Variants in ADORA1 observed in about 807,000 individuals in gnomAD.
The protein encoded by ADORA1 is adenosine receptor A1.
A neutral mutation model predicts 19.9 loss-of-function variants in ADORA1; 6 were observed. The ratio of observed to expected loss-of-function variants is 0.30; its 90% CI spans 0.17 to 0.59. The LOEUF (loss-of-function observed/expected upper bound fraction) is 0.59, where lower values mean the gene tolerates loss of function less well. Among genes scored for constraint, ADORA1 ranks in the 20% least tolerant of loss-of-function variants. The probability of loss-of-function intolerance (pLI) is 0.87; values close to 1 mark genes in which losing one functional copy is unlikely to be tolerated. For missense variants in ADORA1, 302 were observed against 439.2 expected (o/e 0.69, Z 2.79); for synonymous variants, 194 against 188.4 (o/e 1.03, Z -0.24).
intron 3 of ADORA1, among the ~76,000 whole-genome samples, chr1:203,133,701 A>G (rs1654415596): frequency 6.6e-6 from 1 of 152,200 alleles, no homozygotes; most frequent in Non-Finnish European, 1.5e-5. Flanking sequence ...CCTTCACTCC[A>G]GTGGGCAGTT....
chr1:203,128,676 G>T lies in ADORA1; in HGVS notation c.-57-109G>T. ...TGCCCCTCCAGCCTGGGTAGGAGCT[G>T]CATGTGACAAGTGGGACACATCACA... On this transcript the variant is annotated intron_variant, in intron 2 of 3. Transcript: ENST00000337894. The surrounding 1 kb of genome is among the most constrained non-coding windows in gnomAD (Gnocchi z 5.9). 1 of 1,301,540 alleles carries T rather than the reference G, an allele frequency of 7.7e-7. No individual in the cohort carries two copies. Among genetic ancestry groups the T allele is most frequent in the African/African-American group, 1.5e-5 (1 of 67,194 alleles). The allele number at this position is 1,301,540 out of a possible 1,614,324, so 80.6% of individuals were successfully genotyped here.
chr1:203,144,324 T>C (rs1310597119), intron 3 of ADORA1, among the ~76,000 whole-genome samples: 1 of 152,108 alleles, frequency 6.6e-6, no homozygotes, highest in East Asian at 1.9e-4. Flanking sequence ...ATATCCACAG[T>C]GGTGGATAGT....
chr1:203,143,877 C>T (rs981354319), intron 3 of ADORA1, among the ~76,000 whole-genome samples: 4 of 152,286 alleles, frequency 2.6e-5, no homozygotes, highest in Admixed American at 6.5e-5. Flanking sequence ...CCAACGGCCA[C>T]GGTGGCAGGA....
rs753602875 is a variant in ADORA1 at position 203,165,175 on chromosome 1, G to A, written c.342-86G>A. On this transcript the variant is annotated intron_variant, in intron 3 of 3. Coordinates refer to ENST00000337894, the MANE Select transcript of ADORA1 (RefSeq NM_000674.3). The surrounding 1 kb of genome is among the most constrained non-coding windows in gnomAD (Gnocchi z 5.9). ...GGAAGAGGAGGGTGCTCCTCTTAGA[G>A]GCCCCTGGAGGCCAGGCGTGCCTCA... 6.3e-7 allele frequency: 1 copy of A among 1,595,822 alleles called. No individual in the cohort carries two copies. Among genetic ancestry groups the A allele is most frequent in the East Asian group, 2.3e-5 (1 of 44,054 alleles).
At position 203,129,119 on chromosome 1, in the gene ADORA1, G is replaced by C. The variant is rs771075090; in HGVS notation, c.278G>C (p.Ser93Thr). ...TGTCCGGTCCTCATCCTCACCCAGAGCTCCATCCTGGCCCTGCTGGCAATT... is the reference window on the plus strand; with the variant it reads ...TGTCCGGTCCTCATCCTCACCCAGACCTCCATCCTGGCCCTGCTGGCAATT... ...VACPVLILTQSSILALLAIAV... is the reference protein window; with the variant it reads ...VACPVLILTQTSILALLAIAV... Residue 93 changes from serine (S) to threonine (T), a missense_variant, in exon 3 of 4, where the codon AGC becomes ACC. Transcript: ENST00000337894. 6.2e-7 allele frequency: 1 copy of C among 1,614,134 alleles called. No homozygotes were observed. The highest frequency in any genetic ancestry group is 1.1e-5 in the South Asian group (1 of 91,080).
chr1:203,149,637 G>T (rs951988802), intron 3 of ADORA1, among the ~76,000 whole-genome samples: 11 of 152,152 alleles, frequency 7.2e-5, no homozygotes, highest in Admixed American at 5.9e-4. Flanking sequence ...GGTTGAGGCG[G>T]GACCTTCGAG....
chr1:203,160,717 G>A (rs537579898), intron 3 of ADORA1, among the ~76,000 whole-genome samples: 1 of 152,224 alleles, frequency 6.6e-6, no homozygotes, highest in Non-Finnish European at 1.5e-5. Context: ...AGGCTGAGGT[G>A]GAAGGATCTC....
Position 203,128,342 on chromosome 1 carries a change from C to T in ADORA1, c.-148C>T. 2 of 1,289,548 alleles carry T rather than the reference C, an allele frequency of 1.6e-6. No individual in the cohort carries two copies. Among genetic ancestry groups the T allele is most frequent in the Non-Finnish European group, 2.0e-6 (2 of 988,906 alleles). The allele number at this position is 1,289,548 out of a possible 1,614,324, so 79.9% of individuals were successfully genotyped here. ...GAGCTGCCGCGCGTTGTCCAGAGCC[C>T]AGCCCAGCCCTACCGCGCGCGGCCC... On this transcript the variant is annotated 5_prime_UTR_variant, in exon 2 of 4. The change creates a premature stop within an existing upstream ORF in the 5' untranslated region. Transcript: ENST00000337894. The surrounding 1 kb of genome is among the most constrained non-coding windows in gnomAD (Gnocchi z 5.9).
At chr1:203,162,794 G>A (rs1655411357) in intron 3 of ADORA1, among the ~76,000 whole-genome samples, 1 of 152,170 alleles carries the variant, frequency 6.6e-6, no homozygotes, top group South Asian at 2.1e-4. Context: ...GCAGTTATGA[G>A]GATTACCTGA....
rs1441036568 is a variant in ADORA1, at chr1:203,128,593, T to C, written c.-58+161T>C. ...AGCGCTGCTATTTTAAGTTGCTGAA[T>C]GGAACCTCTGGGAATGATAAAGGGA... On this transcript the variant is annotated intron_variant, in intron 2 of 3. Coordinates refer to ENST00000337894, the MANE Select transcript of ADORA1 (RefSeq NM_000674.3). This position sits in a 1 kb window ranked among gnomAD's most constrained non-coding sequence, Gnocchi z 5.9. Among the ~76,000 whole-genome samples the C allele has an allele frequency of 2.0e-5, 3 of 152,216 alleles. No individual in the cohort carries two copies. Among genetic ancestry groups the C allele is most frequent in the Non-Finnish European group, 4.4e-5 (3 of 67,994 alleles).
intron 3 of ADORA1, among the ~76,000 whole-genome samples, chr1:203,147,923 A>G (rs1446599209): frequency 6.6e-6 from 1 of 152,216 alleles, no homozygotes; most frequent in African/African-American, 2.4e-5. Context: ...ATAAAATTCC[A>G]TGAAATAAGC....
rs747158352 is a variant in ADORA1, at chr1:203,129,102, C to T, written c.261C>T (p.Val87=). 4 of 1,614,070 alleles carry T rather than the reference C, an allele frequency of 2.5e-6. No individual in the cohort carries two copies. Among genetic ancestry groups the T allele is most frequent in the East Asian group, 2.2e-5 (1 of 44,894 alleles). Residue 87 remains valine, a synonymous_variant, in exon 3 of 4, where the codon GTC becomes GTT. Coordinates refer to ENST00000337894, the MANE Select transcript of ADORA1 (RefSeq NM_000674.3). ...FHTCLMVACP[V]LILTQSSILA... ...CCTGCCTCATGGTTGCCTGTCCGGTCCTCATCCTCACCCAGAGCTCCATCC... is the reference window on the plus strand; with the variant it reads ...CCTGCCTCATGGTTGCCTGTCCGGTTCTCATCCTCACCCAGAGCTCCATCC...
At chr1:203,134,568 G>A (rs1170401152) in intron 3 of ADORA1, among the ~76,000 whole-genome samples, 2 of 152,196 alleles carry the variant, frequency 1.3e-5, no homozygotes, top group African/African-American at 2.4e-5. Context: ...GCAACCTGCC[G>A]AGGTGTCAGC....
At chr1:203,144,795 A>C (rs1002955081) in intron 3 of ADORA1, 1 of 152,286 alleles carries the variant, frequency 6.6e-6, no homozygotes, top group Non-Finnish European at 1.5e-5. Context: ...TTCATTGTTC[A>C]GGGGCGAGTT....
At chr1:203,131,161 C>T (rs1654319061) in intron 3 of ADORA1, among the ~76,000 whole-genome samples, 1 of 152,168 alleles carries the variant, frequency 6.6e-6, no homozygotes, top group African/African-American at 2.4e-5. Context: ...GTTTTATTGT[C>T]ACTATTAACA....
intron 3 of ADORA1, among the ~76,000 whole-genome samples, chr1:203,162,405 T>C (rs3753472): frequency 0.25 from 37,654 of 151,900 alleles, 5,670 homozygotes; most frequent in Non-Finnish European, 0.35. Flanking sequence ...AGGGACCCAC[T>C]TCTGTAGCTA....
intron 3 of ADORA1, among the ~76,000 whole-genome samples, chr1:203,140,190 G>A (rs1480842145): frequency 6.6e-6 from 1 of 152,206 alleles, no homozygotes; most frequent in Non-Finnish European, 1.5e-5. Flanking sequence ...CTCTGTGGAG[G>A]ATGGGTTGGA....
intron 3 of ADORA1, among the ~76,000 whole-genome samples, chr1:203,163,910 A>G (rs1655450740): frequency 6.6e-6 from 1 of 152,138 alleles, no homozygotes. Context: ...GGGTCTCAGG[A>G]GCTATTTACA....
At chr1:203,163,410 G>A (rs1655433012) in intron 3 of ADORA1, among the ~76,000 whole-genome samples, 1 of 152,180 alleles carries the variant, frequency 6.6e-6, no homozygotes, top group African/African-American at 2.4e-5. Flanking sequence ...TCTGCTGAGG[G>A]TACAGAGGAG....
Sources: gnomAD v4.1 joint callset for allele counts (sites outside exome capture counted in the v4.1 genomes callset) on GRCh38, gnomAD v4.1.1 for gene constraint, Gnocchi (gnomAD v3.1) non-coding constraint, MANE v1.5 for transcripts, NCBI Gene and HGNC (gene_info 2026-07-23, HGNC 2026-07-21) for gene names.